Variants in CCDC170 observed in about 807,000 individuals in gnomAD.
The protein encoded by CCDC170 is coiled-coil domain-containing protein 170.
CCDC170 carries 69 observed loss-of-function variants against 72.6 expected under a neutral mutation model. The ratio of observed to expected loss-of-function variants is 0.95; its 90% CI spans 0.78 to 1.16. CCDC170 has a LOEUF of 1.16. Ranked by LOEUF, CCDC170 falls within the 50% of genes most tolerant of loss-of-function variation. The pLI is 0.00. For missense variants in CCDC170, 852 were observed against 832.5 expected, an observed-to-expected ratio of 1.02 and a Z score of -0.29; for synonymous variants, 300 against 303.9, an observed-to-expected ratio of 0.99 and a Z score of 0.13.
Position 151,540,373 on chromosome 6 carries a change from C to CTTTTTTTTTTTTTTTTTTT in CCDC170, c.443+2083_443+2101dup, listed in dbSNP as rs779650559. Among the ~76,000 whole-genome samples the CTTTTTTTTTTTTTTTTTTT allele has an allele frequency of 3.7e-4, 14 of 37,982 alleles. 2 individuals are homozygous for CTTTTTTTTTTTTTTTTTTT. Among genetic ancestry groups the CTTTTTTTTTTTTTTTTTTT allele is most frequent in the East Asian group, 2.4e-3 (2 of 818 alleles). The allele number at this position is 37,982 out of a possible 152,430, so 24.9% of individuals were successfully genotyped here. Reference sequence around the variant, plus strand: ...CCTCCTCCTCCTTCTTCTGCTGCTGCTTTTTTTTTTTTTTTTTTTTTTTTT... The same window carrying CTTTTTTTTTTTTTTTTTTT: ...CCTCCTCCTCCTTCTTCTGCTGCTGCTTTTTTTTTTTTTTTTTTTTTTTTTTTTTTTTTTTTTTTTTTTT... On this transcript the variant is annotated intron_variant, in intron 3 of 10. Transcript: ENST00000239374.
At chr6:151,593,508 C>T (rs900498144) in intron 8 of CCDC170, among the ~76,000 whole-genome samples, 9 of 152,136 alleles carry the variant, frequency 5.9e-5, no homozygotes, top group African/African-American at 1.9e-4. Flanking sequence ...ATGGCAGTGA[C>T]TTAAGCAAGT....
intron 9 of CCDC170, among the ~76,000 whole-genome samples, chr6:151,602,285 ATTGAG>A (rs896816149): frequency 1.3e-5 from 2 of 152,196 alleles, no homozygotes; most frequent in African/African-American, 4.8e-5. Context: ...CCCTACCTGT[ATTGAG>A]TTAAAATAAT....
chr6:151,509,732 A>G (rs1403457859), intron 1 of CCDC170, among the ~76,000 whole-genome samples: 1 of 152,222 alleles, frequency 6.6e-6, no homozygotes, highest in Non-Finnish European at 1.5e-5. Flanking sequence ...GATTGTTACA[A>G]TAGTCTTGGA....
intron 1 of CCDC170, among the ~76,000 whole-genome samples, chr6:151,513,803 C>G (rs1345810344): frequency 6.7e-6 from 1 of 149,300 alleles, no homozygotes; most frequent in East Asian, 2.0e-4. Flanking sequence ...GCCTGTAATC[C>G]CACCTACTCC....
At chr6:151,536,270 C>T (rs572969078) in intron 1 of CCDC170, 48 bp from the exon 2 acceptor site, 42 of 1,597,720 alleles carry the variant, frequency 2.6e-5, no homozygotes, top group African/African-American at 2.1e-4. Context: ...CGGAAAAGAT[C>T]GTTTAACACT....
intron 1 of CCDC170, among the ~76,000 whole-genome samples, chr6:151,533,581 C>T (rs545412525): frequency 2.2e-4 from 33 of 151,396 alleles, no homozygotes; most frequent in African/African-American, 7.3e-4. Flanking sequence ...GCAGGAGAAT[C>T]GCTTGAACCT....
chr6:151,545,625 T>G (rs962241), intron 4 of CCDC170, among the ~76,000 whole-genome samples: 136,109 of 151,996 alleles, frequency 0.9, 61,094 homozygotes, highest in East Asian at 0.99. Context: ...TTGTTGTTTT[T>G]TTTTTTTGTT....
chr6:151,494,408 G>T (rs1007215918), intron 1 of CCDC170, among the ~76,000 whole-genome samples: 1 of 152,204 alleles, frequency 6.6e-6, no homozygotes, highest in Non-Finnish European at 1.5e-5. Context: ...ATTTTAGGTT[G>T]TGCCACTCTG....
intron 9 of CCDC170, among the ~76,000 whole-genome samples, chr6:151,607,724 C>T (rs998434982): frequency 6.6e-6 from 1 of 152,010 alleles, no homozygotes. Context: ...TGGAAGTTCA[C>T]TTATATGTGA....
intron 1 of CCDC170, 82 bp downstream of exon 1, chr6:151,494,267 C>T: frequency 7.4e-7 from 1 of 1,344,658 alleles, no homozygotes. Context: ...CCCTGATTTG[C>T]ACCCTTTTCC....
intron 1 of CCDC170, among the ~76,000 whole-genome samples, chr6:151,496,262 C>T (rs1781910897): frequency 6.6e-6 from 1 of 152,160 alleles, no homozygotes; most frequent in South Asian, 2.1e-4. Flanking sequence ...GTGATGTCCC[C>T]AGCTGGTGGC....
chr6:151,610,328 C>T (rs1776850736), intron 9 of CCDC170, among the ~76,000 whole-genome samples: 1 of 152,158 alleles, frequency 6.6e-6, no homozygotes, highest in Non-Finnish European at 1.5e-5. Flanking sequence ...ACTTCCCTTT[C>T]CCAACTTCTT....
At chr6:151,495,440 CA>C (rs1233272004) in intron 1 of CCDC170, among the ~76,000 whole-genome samples, 2 of 151,914 alleles carry the variant, frequency 1.3e-5, no homozygotes, top group Admixed American at 1.3e-4. Flanking sequence ...TTACAGCCAT[CA>C]TGATTCTTTC....
intron 10 of CCDC170, among the ~76,000 whole-genome samples, chr6:151,617,128 T>C (rs559135313): frequency 2.0e-5 from 3 of 152,296 alleles, no homozygotes; most frequent in South Asian, 4.1e-4. Context: ...TTTTCTAAAA[T>C]GGAGGGTGCC....
rs1776147557 is a variant in CCDC170 at position 151,567,040 on chromosome 6, C to A, written c.775-6134C>A. 2.0e-5 allele frequency among the ~76,000 whole-genome samples: 3 copies of A among 152,158 alleles called. No homozygotes were observed. The South Asian group carries it at 6.2e-4, about 32-fold the overall frequency. ...GGTTCAAGTGATTCTCCTGCCTCAGCTTCCCCAGTAGCTAGGATTACAGGC... is the reference window on the plus strand; with the variant it reads ...GGTTCAAGTGATTCTCCTGCCTCAGATTCCCCAGTAGCTAGGATTACAGGC... On this transcript the variant is annotated intron_variant, in intron 5 of 10. Transcript: ENST00000239374.
chr6:151,570,456 A>G (rs1776201580), intron 5 of CCDC170, among the ~76,000 whole-genome samples: 1 of 152,266 alleles, frequency 6.6e-6, no homozygotes, highest in Non-Finnish European at 1.5e-5. Flanking sequence ...CAATAAAAAT[A>G]ATACAAATAA....
At chr6:151,514,392 GAA>G (rs1782204400) in intron 1 of CCDC170, among the ~76,000 whole-genome samples, 1 of 149,520 alleles carries the variant, frequency 6.7e-6, no homozygotes, top group African/African-American at 2.5e-5. Flanking sequence ...AGGAAGGAAG[GAA>G]GGAAGGGAGG....
intron 5 of CCDC170, among the ~76,000 whole-genome samples, chr6:151,560,473 G>C (rs577722219): frequency 2.0e-5 from 3 of 152,184 alleles, no homozygotes; most frequent in African/African-American, 7.2e-5. Context: ...ATGTCTGTGA[G>C]GTCCATCTTG....
chr6:151,583,957 C>T (rs964187759), intron 6 of CCDC170, among the ~76,000 whole-genome samples: 1 of 152,168 alleles, frequency 6.6e-6, no homozygotes, highest in African/African-American at 2.4e-5. Flanking sequence ...GCACCCCAAA[C>T]ACTGCAATAG....
Sources: allele counts gnomAD v4.1 joint callset (sites outside exome capture counted in the v4.1 genomes callset), GRCh38; gene constraint gnomAD v4.1.1; transcripts MANE v1.5; gene names NCBI Gene and HGNC (gene_info 2026-07-23, HGNC 2026-07-21).